The following ELOC variants were observed in gnomAD, a reference collection of about 807,000 sequenced individuals.
ELOC encodes the protein elongin-C.
For missense variants in ELOC, 38 were observed against 139.0 expected (o/e 0.27, Z 3.65); for synonymous variants, 40 against 51.3 (o/e 0.78, Z 0.94).
In ELOC at chr8:73,946,416, A is replaced by C; in HGVS notation, c.*214T>G. The C allele has an allele frequency of 2.2e-6, 1 of 445,486 alleles. No individual in the cohort carries two copies. Among genetic ancestry groups the C allele is most frequent in the Non-Finnish European group, 4.0e-6 (1 of 252,334 alleles). The allele number at this position is 445,486 out of a possible 1,614,324, so 27.6% of individuals were successfully genotyped here. A position where few individuals can be genotyped will look rare whatever the true frequency, so the allele number is the denominator to read the frequency against. On this transcript the variant is annotated 3_prime_UTR_variant, in exon 4 of 4. Transcript: ENST00000520242. ...CACCTACGAATTGGCATATTTGTTTATTTCTCAGTTTGTGAAAATGTCCTT... is the reference window on the plus strand; with the variant it reads ...CACCTACGAATTGGCATATTTGTTTCTTTCTCAGTTTGTGAAAATGTCCTT...
chr8:73,947,920 G>A (rs72661842), intron 3 of ELOC, among the ~76,000 whole-genome samples: 35,588 of 151,930 alleles, frequency 0.23, 4,447 homozygotes, highest in Non-Finnish European at 0.29. Flanking sequence ...AGGGCCGGGC[G>A]GGGTGGCTCA....
At chr8:73,965,912 CA>C (rs1814941600) in intron 1 of ELOC, among the ~76,000 whole-genome samples, 1 of 151,984 alleles carries the variant, frequency 6.6e-6, no homozygotes, top group East Asian at 1.9e-4. Context: ...AAATCTACAA[CA>C]GAAGATCTGT....
At chr8:73,955,501 G>C (rs1476676132) in intron 3 of ELOC, 1 of 162,584 alleles carries the variant, frequency 6.2e-6, no homozygotes, top group Non-Finnish European at 1.3e-5. Flanking sequence ...AGATACTCAG[G>C]AGGCTGAGGC....
intron 3 of ELOC, among the ~76,000 whole-genome samples, chr8:73,953,259 C>A (rs1471909519): frequency 6.6e-6 from 1 of 151,850 alleles, no homozygotes; most frequent in Non-Finnish European, 1.5e-5. Context: ...TGAGTGGAGA[C>A]TGTGCCACTG....
At chr8:73,962,875 A>T (rs1384863494) in intron 1 of ELOC, among the ~76,000 whole-genome samples, 6 of 152,224 alleles carry the variant, frequency 3.9e-5, no homozygotes, top group Non-Finnish European at 7.3e-5. Context: ...AAAATTCCTA[A>T]TTCTTAGGTA....
intron 1 of ELOC, among the ~76,000 whole-genome samples, chr8:73,969,046 G>A (rs960095561): frequency 2.0e-5 from 3 of 152,104 alleles, no homozygotes; most frequent in Non-Finnish European, 4.4e-5. Flanking sequence ...ATGTCCTCCA[G>A]ACCAGAGGTT....
Position 73,945,664 on chromosome 8 carries a change from TAGA to T in ELOC, c.*963_*965del, listed in dbSNP as rs1490014256. The stretch of plus-strand genomic sequence containing the variant: ...GTATATTTATTGGGACATATTTTAA[TAGA>T]AGATAATTCATGTAGGATATCTTCA... On this transcript the variant is annotated 3_prime_UTR_variant, in exon 4 of 4. Transcript: ENST00000520242. 12 of 152,352 alleles carry T rather than the reference TAGA, an allele frequency of 7.9e-5. No homozygotes were observed. Among genetic ancestry groups the T allele is most frequent in the African/African-American group, 2.6e-4 (11 of 41,590 alleles). The allele number at this position is 152,352 out of a possible 1,614,324, so 9.4% of individuals were successfully genotyped here.
intron 2 of ELOC, among the ~76,000 whole-genome samples, chr8:73,959,028 T>C (rs1025581564): frequency 6.6e-6 from 1 of 152,180 alleles, no homozygotes; most frequent in Admixed American, 6.5e-5. Context: ...TATTTGTGTA[T>C]CTAAACATAG....
rs368788775 is a variant in ELOC, at chr8:73,949,500, A to G, written c.149-2680T>C. Among the ~76,000 whole-genome samples the G allele has an allele frequency of 2.9e-4, 44 of 152,340 alleles. No individual in the cohort carries two copies. In the East Asian group the frequency reaches 5.4e-3, roughly 19 times the overall value. ...CAACTATCCCTTCTATTTAGTTCCA[A>G]AACATTTTCATCATCCCAAATTAAA... On this transcript the variant is annotated intron_variant, in intron 3 of 3. Coordinates refer to ENST00000520242, the MANE Select transcript of ELOC (RefSeq NM_005648.4).
chr8:73,958,759 G>A (rs1280335039), intron 2 of ELOC, among the ~76,000 whole-genome samples: 1 of 152,148 alleles, frequency 6.6e-6, no homozygotes. Flanking sequence ...ATCACAAATT[G>A]GGGTTAGCAC....
chr8:73,951,336 T>A (rs1415363320), intron 3 of ELOC, among the ~76,000 whole-genome samples: 7 of 152,048 alleles, frequency 4.6e-5, no homozygotes, highest in Admixed American at 2.0e-4. Flanking sequence ...TTCTCTTTAC[T>A]TCTGAGTAGG....
chr8:73,964,752 C>T (rs909342121), intron 1 of ELOC: 6 of 152,126 alleles, frequency 3.9e-5, no homozygotes, highest in Admixed American at 6.5e-5. Flanking sequence ...AGCTGGGCAC[C>T]GTGGCTCACA....
chr8:73,952,166 G>C (rs1813813321), intron 3 of ELOC, among the ~76,000 whole-genome samples: 1 of 152,094 alleles, frequency 6.6e-6, no homozygotes, highest in Non-Finnish European at 1.5e-5. Flanking sequence ...AACTTTAGGA[G>C]GCCAAGGTCA....
At chr8:73,952,455 A>G (rs1435025908) in intron 3 of ELOC, among the ~76,000 whole-genome samples, 3 of 150,388 alleles carry the variant, frequency 2.0e-5, no homozygotes, top group Non-Finnish European at 4.4e-5. Flanking sequence ...AAATAAAAAT[A>G]AAAGTGTGCT....
chr8:73,971,032 C>CAAAAAAAAAAA lies in ELOC; in HGVS notation c.-51+1034_-51+1044dup, dbSNP rs67188912. Among the ~76,000 whole-genome samples the CAAAAAAAAAAA allele has an allele frequency of 8.7e-3, 537 of 61,984 alleles. 32 individuals are homozygous for CAAAAAAAAAAA. Among genetic ancestry groups the CAAAAAAAAAAA allele is most frequent in the South Asian group, 0.021 (32 of 1,550 alleles). 40.7% of individuals were successfully genotyped at this position (61,984 alleles called of 152,430 possible). On this transcript the variant is annotated intron_variant, in intron 1 of 3. Transcript: ENST00000520242. ...CTCAGGACAGAGCGAGACTCCGTCT[C>CAAAAAAAAAAA]AAAAAAAAAAAAAAAAAAAGAAAAA...
At chr8:73,955,164 T>C (rs1168372372) in intron 3 of ELOC, among the ~76,000 whole-genome samples, 1 of 151,404 alleles carries the variant, frequency 6.6e-6, no homozygotes, top group South Asian at 2.1e-4. Context: ...TTTTCCCCAA[T>C]GCAACATAAT....
chr8:73,959,776 T>C lies in ELOC; in HGVS notation c.-8A>G. The C allele has an allele frequency of 1.3e-6, 2 of 1,552,988 alleles. No homozygotes were observed. The highest frequency in any genetic ancestry group is 1.9e-5 in the Admixed American group (1 of 51,794). On this transcript the variant is annotated 5_prime_UTR_variant, in exon 2 of 4. Transcript: ENST00000520242. ...TATCTTTAGCTTACCCATTTTGTTC[T>C]TATGAAATTCTACTTTGCTTCCCCA...
At chr8:73,956,152 G>T in intron 2 of ELOC, 98 bp from the exon 3 acceptor site, 1 of 1,150,026 alleles carries the variant, frequency 8.7e-7, no homozygotes, top group Non-Finnish European at 1.2e-6. Context: ...TGTAATCCCA[G>T]CACTTTGGCA....
chr8:73,951,880 C>T lies in ELOC; in HGVS notation c.148+4031G>A, dbSNP rs1408679868. 3.3e-5 allele frequency among the ~76,000 whole-genome samples: 5 copies of T among 152,192 alleles called. No homozygotes were observed. The East Asian group carries it at 9.6e-4, about 29-fold the overall frequency. On this transcript the variant is annotated intron_variant, in intron 3 of 3. Transcript: ENST00000520242. ...ATAGAATTGAGAGCCCAGAAATACA[C>T]AAATCTACAGTCAACTGATTTTCAA...
Sources: gnomAD v4.1 joint callset for allele counts (sites outside exome capture counted in the v4.1 genomes callset) on GRCh38, gnomAD v4.1.1 for gene constraint, MANE v1.5 for transcripts, NCBI Gene and HGNC (gene_info 2026-07-23, HGNC 2026-07-21) for gene names.